WDR72: variants seen among roughly 807,000 people sequenced by gnomAD.
WDR72 encodes the protein WD repeat-containing protein 72.
A neutral mutation model predicts 124.2 loss-of-function variants in WDR72; 120 were observed. The ratio of observed to expected loss-of-function variants is 0.97; its 90% CI spans 0.83 to 1.12. The LOEUF is 1.12. WDR72 is among the 50% of genes most tolerant of loss of function. The pLI is 0.00. For synonymous variants in WDR72, 452 were observed against 441.7 expected (o/e 1.02, Z -0.29); for missense variants, 1,387 against 1,278.8 (o/e 1.08, Z -1.29).
intron 13 of WDR72, among the ~76,000 whole-genome samples, chr15:53,679,218 A>T (rs2016292051): frequency 6.6e-6 from 1 of 152,174 alleles, no homozygotes; most frequent in African/African-American, 2.4e-5. Flanking sequence ...AAGCTGAAAA[A>T]GTTGTGGAGA....
chr15:53,520,410 C>T (rs1252606587), intron 19 of WDR72, among the ~76,000 whole-genome samples: 2 of 151,938 alleles, frequency 1.3e-5, no homozygotes, highest in Non-Finnish European at 2.9e-5. Context: ...TTTGCAGGTA[C>T]ATAAAAATGT....
At position 53,513,957 on chromosome 15, in the gene WDR72, C is replaced by G. The variant is rs79708164; in HGVS notation, c.*3742G>C. 6,601 of 152,244 alleles carry G rather than the reference C, an allele frequency of 0.043. 179 individuals carry two copies. Among genetic ancestry groups the G allele is most frequent in the Middle Eastern group, 0.092 (27 of 294 alleles). The allele number at this position is 152,244 out of a possible 1,614,324, so 9.4% of individuals were successfully genotyped here. A position where few individuals can be genotyped will look rare whatever the true frequency, so the allele number is the denominator to read the frequency against. On this transcript the variant is annotated 3_prime_UTR_variant, in exon 20 of 20. Transcript: ENST00000360509. ...GTTTCCAGTGGCATGCTCTTACAGACAGACCTGTTAATTTCCAGTTTACCT... is the reference window on the plus strand; with the variant it reads ...GTTTCCAGTGGCATGCTCTTACAGAGAGACCTGTTAATTTCCAGTTTACCT...
At chr15:53,732,435 T>C (rs1306239702) in intron 2 of WDR72, among the ~76,000 whole-genome samples, 1 of 152,134 alleles carries the variant, frequency 6.6e-6, no homozygotes, top group East Asian at 1.9e-4. Flanking sequence ...GGACAATTAA[T>C]TGCTAATCAA....
chr15:53,580,683 C>T (rs1426597510), intron 18 of WDR72, among the ~76,000 whole-genome samples: 2 of 151,740 alleles, frequency 1.3e-5, no homozygotes, highest in African/African-American at 4.8e-5. Context: ...CAGAAGACAA[C>T]AGCTCACGTT....
At chr15:53,711,693 T>A (rs1309398976) in intron 7 of WDR72, among the ~76,000 whole-genome samples, 1 of 152,202 alleles carries the variant, frequency 6.6e-6, no homozygotes, top group Non-Finnish European at 1.5e-5. Flanking sequence ...TCTGGTTATA[T>A]CATTCCAGAG....
chr15:53,623,520 C>G (rs1283002752), intron 14 of WDR72, among the ~76,000 whole-genome samples: 1 of 151,190 alleles, frequency 6.6e-6, no homozygotes, highest in Non-Finnish European at 1.5e-5. Flanking sequence ...CACATACACA[C>G]ACACATATAT....
At chr15:53,685,607 G>A (rs962275592) in intron 13 of WDR72, among the ~76,000 whole-genome samples, 3 of 149,082 alleles carry the variant, frequency 2.0e-5, no homozygotes, top group South Asian at 2.2e-4. Flanking sequence ...AAAGTGATGG[G>A]GAGAATGGAA....
chr15:53,541,332 A>T (rs1361083264), intron 18 of WDR72, among the ~76,000 whole-genome samples: 1 of 151,914 alleles, frequency 6.6e-6, no homozygotes, highest in African/African-American at 2.4e-5. Flanking sequence ...TGGGTCCCTG[A>T]CCCCTGACCC....
intron 18 of WDR72, among the ~76,000 whole-genome samples, chr15:53,549,710 G>A (rs1444125319): frequency 3.9e-5 from 6 of 152,074 alleles, no homozygotes; most frequent in East Asian, 1.9e-4. Flanking sequence ...CTAAGGTCAC[G>A]TAGGCTTTGG....
intron 14 of WDR72, among the ~76,000 whole-genome samples, chr15:53,664,107 G>A (rs2015699216): frequency 6.6e-6 from 1 of 152,036 alleles, no homozygotes; most frequent in African/African-American, 2.4e-5. Context: ...TGCATTATTA[G>A]CTTTGACCAA....
At chr15:53,661,025 A>C (rs2015590807) in intron 14 of WDR72, among the ~76,000 whole-genome samples, 1 of 152,148 alleles carries the variant, frequency 6.6e-6, no homozygotes. Flanking sequence ...CCTCTAGTCC[A>C]CTGCCTGTTT....
chr15:53,686,783 T>A lies in WDR72; in HGVS notation c.1765+12967A>T, dbSNP rs536706548. Reference sequence around the variant, plus strand: ...ATTTTTTTCAGCACCACACCACACCTATTCCAAAATTGACCACATACTTGG... The same window carrying A: ...ATTTTTTTCAGCACCACACCACACCAATTCCAAAATTGACCACATACTTGG... On this transcript the variant is annotated intron_variant, in intron 13 of 19. Transcript: ENST00000360509. Among the ~76,000 whole-genome samples the A allele has an allele frequency of 5.3e-3, 786 of 148,812 alleles. 14 individuals carry two copies. The highest frequency in any genetic ancestry group is 0.019 in the African/African-American group (750 of 39,566).
intron 18 of WDR72, 54 bp downstream of exon 18, chr15:53,597,025 A>C (rs2012811131): frequency 4.5e-6 from 7 of 1,555,618 alleles, no homozygotes; most frequent in Middle Eastern, 2.0e-4. Flanking sequence ...GTTGGAGACT[A>C]TCTATAGTAG....
chr15:53,594,477 C>T (rs1322957214), intron 18 of WDR72, among the ~76,000 whole-genome samples: 1 of 151,980 alleles, frequency 6.6e-6, no homozygotes, highest in Non-Finnish European at 1.5e-5. Flanking sequence ...GGAATTACTA[C>T]ACCCAGTGAA....
chr15:53,718,862 A>G (rs2017792964), intron 3 of WDR72, among the ~76,000 whole-genome samples: 1 of 152,094 alleles, frequency 6.6e-6, no homozygotes, highest in South Asian at 2.1e-4. Flanking sequence ...AAGCTTAAAA[A>G]TTCTTAAATT....
chr15:53,564,410 A>C (rs1006606921), intron 18 of WDR72, among the ~76,000 whole-genome samples: 1 of 151,922 alleles, frequency 6.6e-6, no homozygotes, highest in Non-Finnish European at 1.5e-5. Context: ...ATATCCTAGG[A>C]CAGCATCTAA....
chr15:53,603,682 T>C (rs2013144877), intron 17 of WDR72, among the ~76,000 whole-genome samples: 1 of 151,838 alleles, frequency 6.6e-6, no homozygotes, highest in African/African-American at 2.4e-5. Flanking sequence ...AGCATTCCTA[T>C]AAACAACAGT....
intron 13 of WDR72, among the ~76,000 whole-genome samples, chr15:53,670,203 T>A (rs569776653): frequency 1.3e-5 from 2 of 152,278 alleles, no homozygotes; most frequent in South Asian, 4.1e-4. Flanking sequence ...TTTGTTTTAA[T>A]CTTAAACTAT....
chr15:53,657,784 C>A (rs1048137237), intron 14 of WDR72, among the ~76,000 whole-genome samples: 1 of 152,240 alleles, frequency 6.6e-6, no homozygotes, highest in South Asian at 2.1e-4. Context: ...GCAGAACCAA[C>A]CTTTTCTCTG....
Sources: allele counts gnomAD v4.1 joint callset (sites outside exome capture counted in the v4.1 genomes callset), GRCh38; gene constraint gnomAD v4.1.1; transcripts MANE v1.5; gene names NCBI Gene and HGNC (gene_info 2026-07-23, HGNC 2026-07-21).